The following SEL1L2 variants were observed in gnomAD, a reference collection of about 807,000 sequenced individuals.
SEL1L2 encodes the protein protein sel-1 homolog 2.
In SEL1L2, 89 loss-of-function variants were observed where a neutral mutation model predicts 98.8. The observed-to-expected ratio is 0.90, with a 90% CI of 0.76 to 1.07. The LOEUF (loss-of-function observed/expected upper bound fraction) is 1.07. Among genes scored for constraint, SEL1L2 ranks in the 50% least tolerant of loss-of-function variants. The probability of loss-of-function intolerance (pLI) is 0.00; values close to 1 mark genes in which losing one functional copy is unlikely to be tolerated. For synonymous variants in SEL1L2, 262 were observed against 278.5 expected, an observed-to-expected ratio of 0.94 and a Z score of 0.59; for missense variants, 788 against 812.0, an observed-to-expected ratio of 0.97 and a Z score of 0.36.
chr20:13,984,839 A>G (rs1334728255), intron 1 of SEL1L2, among the ~76,000 whole-genome samples: 1 of 152,102 alleles, frequency 6.6e-6, no homozygotes, highest in Non-Finnish European at 1.5e-5. Flanking sequence ...ATAATTGTAC[A>G]TATACGGAGC....
chr20:13,949,685 C>A (rs1393335557), intron 2 of SEL1L2, among the ~76,000 whole-genome samples: 21 of 140,830 alleles, frequency 1.5e-4, no homozygotes, highest in Non-Finnish European at 1.1e-4. Flanking sequence ...AAAAAACAAA[C>A]AACAAAAAAA....
chr20:13,897,964 CA>C (rs1029831041), intron 5 of SEL1L2, among the ~76,000 whole-genome samples: 1 of 151,700 alleles, frequency 6.6e-6, no homozygotes, highest in African/African-American at 2.4e-5. Flanking sequence ...ACACACACCC[CA>C]AAAAAACCCA....
Position 13,866,694 on chromosome 20 carries a change from A to T in SEL1L2, c.1404+8T>A. ...AGTGCTTTAAAAACAGCCGCATATTATATTTACCTCCACAGCAGTTCTGCA... is the reference window on the plus strand; with the variant it reads ...AGTGCTTTAAAAACAGCCGCATATTTTATTTACCTCCACAGCAGTTCTGCA... On this transcript the variant is annotated splice_region_variant and intron_variant, in intron 15 of 19. Transcript: ENST00000284951. 4.5e-6 allele frequency: 7 copies of T among 1,554,680 alleles called. No individual in the cohort carries two copies. The highest frequency in any genetic ancestry group is 6.1e-6 in the Non-Finnish European group (7 of 1,155,278).
intron 2 of SEL1L2, among the ~76,000 whole-genome samples, chr20:13,937,076 C>T (rs914229652): frequency 3.3e-5 from 5 of 152,200 alleles, no homozygotes; most frequent in Non-Finnish European, 5.9e-5. Context: ...TTCCTATTTC[C>T]TTGTTTTTAC....
At chr20:13,881,815 T>A (rs2147948077) in intron 10 of SEL1L2, among the ~76,000 whole-genome samples, 1 of 152,334 alleles carries the variant, frequency 6.6e-6, no homozygotes, top group Non-Finnish European at 1.5e-5. Context: ...TAATTCTCTT[T>A]GGTGGACTGA....
intron 1 of SEL1L2, among the ~76,000 whole-genome samples, chr20:13,966,846 T>C (rs1230161033): frequency 6.6e-6 from 1 of 151,406 alleles, no homozygotes; most frequent in Admixed American, 6.6e-5. Flanking sequence ...CAAATGTAAG[T>C]TCCTCTCTCT....
At chr20:13,901,639 T>C (rs181144789) in intron 5 of SEL1L2, among the ~76,000 whole-genome samples, 172 of 151,918 alleles carry the variant, frequency 1.1e-3, no homozygotes, top group African/African-American at 3.8e-3. Context: ...TGGAATCTTT[T>C]TTTTAAATTT....
At chr20:13,984,344 T>C (rs1347107890) in intron 1 of SEL1L2, among the ~76,000 whole-genome samples, 1 of 152,154 alleles carries the variant, frequency 6.6e-6, no homozygotes, top group Non-Finnish European at 1.5e-5. Context: ...GCTTCTCCAC[T>C]GAAACTGTCC....
At chr20:13,889,587 C>T (rs1466109167) in intron 5 of SEL1L2, among the ~76,000 whole-genome samples, 6 of 151,872 alleles carry the variant, frequency 4.0e-5, no homozygotes, top group Non-Finnish European at 7.4e-5. Context: ...GTCAGGAGAT[C>T]GAGACCATCC....
At chr20:13,901,072 TTTC>T (rs1323902676) in intron 5 of SEL1L2, among the ~76,000 whole-genome samples, 66 of 115,552 alleles carry the variant, frequency 5.7e-4, no homozygotes, top group South Asian at 1.4e-3. Flanking sequence ...TCTTTCTTTC[TTTC>T]TTTTTTTTTT....
At chr20:13,946,310 T>C (rs1332115517) in intron 2 of SEL1L2, among the ~76,000 whole-genome samples, 1 of 151,828 alleles carries the variant, frequency 6.6e-6, no homozygotes, top group Non-Finnish European at 1.5e-5. Context: ...GAATACAAAA[T>C]CAATACAAAA....
Position 13,865,444 on chromosome 20 carries a change from T to C in SEL1L2, c.1475A>G (p.Asp492Gly), listed in dbSNP as rs1439549447. 6.2e-7 allele frequency: 1 copy of C among 1,613,934 alleles called. No individual in the cohort carries two copies. The highest frequency in any genetic ancestry group is 8.5e-7 in the Non-Finnish European group (1 of 1,179,958). Residue 492 changes from aspartate to glycine, a missense_variant, in exon 16 of 20, where the codon GAT becomes GGT. Asp to Gly is a moderately conservative substitution (Grantham distance 94, BLOSUM62 -1). Coordinates refer to ENST00000284951, the MANE Select transcript of SEL1L2 (RefSeq NM_025229.2). ...AACAAGAGAAGAATCTATATCACCATCCTTATAGGCAAAGTAAGCTGTCAG... is the reference window on the plus strand; with the variant it reads ...AACAAGAGAAGAATCTATATCACCACCCTTATAGGCAAAGTAAGCTGTCAG... ...KFLTAYFAYK[D>G]GDIDSSLVQY... is the part of the protein sequence containing the mutation.
chr20:13,970,264 T>A (rs1056765808), intron 1 of SEL1L2, among the ~76,000 whole-genome samples: 1 of 152,224 alleles, frequency 6.6e-6, no homozygotes, highest in Non-Finnish European at 1.5e-5. Flanking sequence ...GGAAGACAGT[T>A]GTCTCTGCAA....
intron 11 of SEL1L2, among the ~76,000 whole-genome samples, chr20:13,876,906 C>T (rs1434545490): frequency 2.0e-5 from 3 of 152,102 alleles, no homozygotes; most frequent in Non-Finnish European, 4.4e-5. Context: ...TCACTGCACC[C>T]TCTGCCTCCC....
intron 10 of SEL1L2, among the ~76,000 whole-genome samples, chr20:13,880,943 T>C (rs1047159393): frequency 1.3e-5 from 2 of 152,196 alleles, no homozygotes; most frequent in African/African-American, 4.8e-5. Flanking sequence ...ATCTGTAGTT[T>C]AACCAGTTTG....
chr20:13,869,651 C>T (rs2046090955), intron 13 of SEL1L2, 61 bp from the exon 14 acceptor site: 1 of 1,266,888 alleles, frequency 7.9e-7, no homozygotes, highest in Non-Finnish European at 1.2e-6. Flanking sequence ...GAAACAATTG[C>T]CTTCCACTTC....
At chr20:13,882,098 T>C (rs2046728548) in intron 10 of SEL1L2, among the ~76,000 whole-genome samples, 1 of 152,112 alleles carries the variant, frequency 6.6e-6, no homozygotes, top group Non-Finnish European at 1.5e-5. Flanking sequence ...ATATGTACAA[T>C]TATTATGAGT....
rs778531953 is a variant in SEL1L2, at chr20:13,929,794, C to T, written c.283+1809G>A. Among the ~76,000 whole-genome samples the T allele has an allele frequency of 2.8e-5, 4 of 144,480 alleles. No homozygotes were observed. In the East Asian group the frequency reaches 6.4e-4, roughly 23 times the overall value. 94.8% of individuals were successfully genotyped at this position (144,480 alleles called of 152,430 possible). A position where few individuals can be genotyped will look rare whatever the true frequency, so the allele number is the denominator to read the frequency against. ...GGATTATAGGAGTGAGCCACGTGCC[C>T]GGCCTTTTTTTTTTGAGACGGGGTC... On this transcript the variant is annotated intron_variant, in intron 3 of 19. Coordinates refer to ENST00000284951, the MANE Select transcript of SEL1L2 (RefSeq NM_025229.2).
At chr20:13,981,809 C>A (rs919142217) in intron 1 of SEL1L2, among the ~76,000 whole-genome samples, 1 of 152,206 alleles carries the variant, frequency 6.6e-6, no homozygotes, top group Admixed American at 6.5e-5. Context: ...TGCAGTTTGT[C>A]TTTTCCCTGG....
Sources: allele counts gnomAD v4.1 joint callset (sites outside exome capture counted in the v4.1 genomes callset), GRCh38; gene constraint gnomAD v4.1.1; transcripts MANE v1.5; gene names NCBI Gene and HGNC (gene_info 2026-07-23, HGNC 2026-07-21).